Variants in PATL1 observed in about 807,000 individuals in gnomAD.
PATL1 encodes the protein protein PAT1 homolog 1.
In PATL1, 32 loss-of-function variants were observed where a neutral mutation model predicts 100.6. The observed-to-expected ratio is 0.32, with a 90% CI of 0.24 to 0.43. The LOEUF is 0.43. Ranked by LOEUF, PATL1 falls within the 20% of genes least tolerant of loss-of-function variation. PATL1 has a pLI of 1.00. For missense variants in PATL1, 747 were observed against 949.9 expected (o/e 0.79, Z 2.81); for synonymous variants, 332 against 330.0 (o/e 1.01, Z -0.07).
chr11:59,667,837 T>C (rs1194929561), intron 1 of PATL1, among the ~76,000 whole-genome samples: 2 of 152,244 alleles, frequency 1.3e-5, no homozygotes, highest in Non-Finnish European at 2.9e-5. Flanking sequence ...TTCTCCAAGT[T>C]TTCCTTTTGG....
chr11:59,664,830 A>G (rs1861666422), intron 2 of PATL1, among the ~76,000 whole-genome samples: 2 of 152,214 alleles, frequency 1.3e-5, no homozygotes, highest in Non-Finnish European at 2.9e-5. Context: ...TTGACCTCCC[A>G]AAGTGCTGAG....
In PATL1 at chr11:59,655,274, T is replaced by C. The variant is rs564171906; in HGVS notation, c.1031+249A>G. Reference sequence around the variant, plus strand: ...AACCAGAGGATAAAAGCAAACAGCTTAGCTAGTGTGACGATTAGCTGACTT... The same window carrying C: ...AACCAGAGGATAAAAGCAAACAGCTCAGCTAGTGTGACGATTAGCTGACTT... On this transcript the variant is annotated intron_variant, in intron 8 of 18. Coordinates refer to ENST00000300146, the MANE Select transcript of PATL1 (RefSeq NM_152716.3). Among the ~76,000 whole-genome samples the C allele has an allele frequency of 1.3e-3, 201 of 152,328 alleles. 1 individual carries two copies. Among genetic ancestry groups the C allele is most frequent in the African/African-American group, 4.5e-3 (189 of 41,570 alleles).
At chr11:59,668,780 GC>G in intron 1 of PATL1, 100 bp downstream of exon 1, 11 of 617,652 alleles carry the variant, frequency 1.8e-5, no homozygotes, top group Admixed American at 2.7e-5. Flanking sequence ...CCCCCAGCCC[GC>G]CCCCTGCCCC....
chr11:59,660,394 G>A (rs1234951396), intron 2 of PATL1, among the ~76,000 whole-genome samples: 2 of 152,182 alleles, frequency 1.3e-5, no homozygotes, highest in African/African-American at 2.4e-5. Flanking sequence ...TACTATACCA[G>A]AAGATGAAAT....
At chr11:59,646,278 A>ATTTTTT (rs35277057) in intron 15 of PATL1, among the ~76,000 whole-genome samples, 6 of 133,790 alleles carry the variant, frequency 4.5e-5, no homozygotes, top group Admixed American at 3.7e-4. Context: ...CATTTGTGGA[A>ATTTTTT]TTTTTTTTTT....
intron 8 of PATL1, among the ~76,000 whole-genome samples, chr11:59,654,512 T>C (rs1344733378): frequency 2.2e-5 from 3 of 134,512 alleles, no homozygotes; most frequent in African/African-American, 8.4e-5. Flanking sequence ...AAAAAAAGAG[T>C]CTATTCTAAG....
intron 1 of PATL1, among the ~76,000 whole-genome samples, chr11:59,667,876 T>C (rs1023469951): frequency 6.6e-6 from 1 of 152,386 alleles, no homozygotes; most frequent in African/African-American, 2.4e-5. Context: ...CTATCAAGTA[T>C]ACCTGTCCTC....
chr11:59,649,100 TAA>T (rs1171149966), intron 14 of PATL1, among the ~76,000 whole-genome samples: 1 of 152,118 alleles, frequency 6.6e-6, no homozygotes, highest in Non-Finnish European at 1.5e-5. Context: ...ATCTTAGTAA[TAA>T]AGGAAATATA....
chr11:59,668,475 T>G, intron 1 of PATL1, among the ~76,000 whole-genome samples: 1 of 144,918 alleles, frequency 6.9e-6, no homozygotes, highest in African/African-American at 2.6e-5. Flanking sequence ...TGGAGGTGGG[T>G]GGGGGGTGGT....
rs536863041 is a variant in PATL1 at position 59,668,005 on chromosome 11, G to T, written c.15+876C>A. ...CAATGGAAAGATTAGGTCAAAGGGC[G>T]TTCTTCTTACCCCAGAGCCCTTCCA... On this transcript the variant is annotated intron_variant, in intron 1 of 18. Transcript: ENST00000300146. Among the ~76,000 whole-genome samples the T allele has an allele frequency of 2.6e-5, 4 of 152,302 alleles. No individual in the cohort carries two copies. The South Asian group carries it at 8.3e-4, about 32-fold the overall frequency.
At chr11:59,638,946 A>G in intron 18 of PATL1, 102 bp downstream of exon 18, 2 of 1,331,118 alleles carry the variant, frequency 1.5e-6, no homozygotes, top group African/African-American at 1.5e-5. Flanking sequence ...GTGTCCTAAA[A>G]TGCTGGGATT....
intron 2 of PATL1, among the ~76,000 whole-genome samples, chr11:59,666,371 C>G (rs938553373): frequency 1.3e-5 from 2 of 152,084 alleles, no homozygotes; most frequent in African/African-American, 2.4e-5. Context: ...CTATAAAAAG[C>G]TTTATATTTT....
intron 15 of PATL1, among the ~76,000 whole-genome samples, chr11:59,645,040 T>A (rs865911954): frequency 0.03 from 4,383 of 144,326 alleles, 223 homozygotes; most frequent in African/African-American, 0.11. Context: ...TTTTTTTTTT[T>A]AATCCATTCA....
chr11:59,640,789 T>C (rs1373685549), intron 16 of PATL1, among the ~76,000 whole-genome samples: 1 of 151,270 alleles, frequency 6.6e-6, no homozygotes, highest in East Asian at 2.0e-4. Flanking sequence ...TTCCAGCACT[T>C]TGGGAGGTGG....
chr11:59,662,418 T>C (rs1861638770), intron 2 of PATL1, among the ~76,000 whole-genome samples: 1 of 152,294 alleles, frequency 6.6e-6, no homozygotes, highest in Non-Finnish European at 1.5e-5. Flanking sequence ...GAATTTAAGG[T>C]AGCCATTTTA....
chr11:59,650,326 A>G (rs1861423808), intron 13 of PATL1, among the ~76,000 whole-genome samples: 3 of 152,182 alleles, frequency 2.0e-5, no homozygotes, highest in Admixed American at 6.5e-5. Context: ...TGGCCTTACA[A>G]TGTGGTATTT....
At chr11:59,642,094 T>A (rs751367486) in intron 16 of PATL1, among the ~76,000 whole-genome samples, 1 of 152,212 alleles carries the variant, frequency 6.6e-6, no homozygotes, top group Non-Finnish European at 1.5e-5. Context: ...GTCTACATCA[T>A]CACCTCCATC....
At chr11:59,665,942 CT>C (rs1861681798) in intron 2 of PATL1, among the ~76,000 whole-genome samples, 1 of 152,194 alleles carries the variant, frequency 6.6e-6, no homozygotes. Flanking sequence ...ACCCCGTGGC[CT>C]GTAACCTTAG....
At chr11:59,668,341 G>GC (rs1431523582) in intron 1 of PATL1, among the ~76,000 whole-genome samples, 16 of 152,128 alleles carry the variant, frequency 1.1e-4, no homozygotes, top group Non-Finnish European at 1.5e-5. Flanking sequence ...TGCAGGACAC[G>GC]CCCCCCTCCC....
Sources: gnomAD v4.1 joint callset for allele counts (sites outside exome capture counted in the v4.1 genomes callset) on GRCh38, gnomAD v4.1.1 for gene constraint, MANE v1.5 for transcripts, NCBI Gene and HGNC (gene_info 2026-07-23, HGNC 2026-07-21) for gene names.